Variants in EPHB1 observed in about 807,000 individuals in gnomAD.
EPHB1 encodes ephrin type-B receptor 1.
Under a neutral mutation model 94.4 loss-of-function variants are expected in EPHB1, and 30 were observed. That is an observed-to-expected ratio of 0.32 (90% CI 0.24 to 0.43). The LOEUF is 0.43. Ranked by LOEUF, EPHB1 falls within the 20% of genes least tolerant of loss-of-function variation. The probability of loss-of-function intolerance (pLI) is 1.00; values close to 1 mark genes in which losing one functional copy is unlikely to be tolerated. For missense variants in EPHB1, 1,055 were observed against 1,308.3 expected (o/e 0.81, Z 2.99); for synonymous variants, 522 against 489.1 (o/e 1.07, Z -0.89).
chr3:134,897,873 C>T (rs1168054791), intron 1 of EPHB1, among the ~76,000 whole-genome samples: 1 of 152,142 alleles, frequency 6.6e-6, no homozygotes, highest in Non-Finnish European at 1.5e-5. Context: ...GTCAGTGCTG[C>T]GACAAAGGGT....
At chr3:135,112,110 G>A (rs1264425432) in intron 4 of EPHB1, among the ~76,000 whole-genome samples, 1 of 152,194 alleles carries the variant, frequency 6.6e-6, no homozygotes, top group Non-Finnish European at 1.5e-5. Context: ...TGAGCTCAGC[G>A]GGGGCTGAAG....
intron 5 of EPHB1, among the ~76,000 whole-genome samples, chr3:135,146,074 T>A (rs1404447741): frequency 6.6e-6 from 1 of 152,164 alleles, no homozygotes; most frequent in Non-Finnish European, 1.5e-5. Flanking sequence ...GGAAGGTAGA[T>A]CACAGTGCAC....
intron 3 of EPHB1, among the ~76,000 whole-genome samples, chr3:135,020,211 A>G (rs1029110220): frequency 2.6e-5 from 4 of 152,052 alleles, no homozygotes; most frequent in African/African-American, 9.7e-5. Flanking sequence ...ATGTTACAAT[A>G]TTTCTTCCCG....
chr3:135,064,455 A>G (rs1205103743), intron 3 of EPHB1, among the ~76,000 whole-genome samples: 2 of 151,990 alleles, frequency 1.3e-5, no homozygotes, highest in South Asian at 2.1e-4. Context: ...GAATTTATCC[A>G]TTTCTTCTAG....
At chr3:134,955,818 T>C (rs936536989) in intron 3 of EPHB1, among the ~76,000 whole-genome samples, 1 of 152,232 alleles carries the variant, frequency 6.6e-6, no homozygotes, top group Non-Finnish European at 1.5e-5. Flanking sequence ...TTTGTCTTTA[T>C]AAAATTGTTA....
intron 1 of EPHB1, among the ~76,000 whole-genome samples, chr3:134,824,120 A>G (rs2036430841): frequency 1.4e-5 from 2 of 144,192 alleles, no homozygotes; most frequent in Non-Finnish European, 3.0e-5. Flanking sequence ...AAAAAGGATA[A>G]TGCCCTTTTT....
At chr3:134,897,902 A>G (rs1474757839) in intron 1 of EPHB1, among the ~76,000 whole-genome samples, 1 of 152,154 alleles carries the variant, frequency 6.6e-6, no homozygotes, top group Admixed American at 6.5e-5. Context: ...AAGCCCTTCC[A>G]TGGTAGCTCT....
At chr3:135,052,961 G>GTA (rs1462492515) in intron 3 of EPHB1, among the ~76,000 whole-genome samples, 5 of 109,506 alleles carry the variant, frequency 4.6e-5, no homozygotes, top group Admixed American at 3.2e-4. Flanking sequence ...ATATATGTGT[G>GTA]TATATATATG....
chr3:134,831,391 G>A (rs1024699658), intron 1 of EPHB1, among the ~76,000 whole-genome samples: 14 of 152,322 alleles, frequency 9.2e-5, no homozygotes, highest in Admixed American at 2.0e-4. Context: ...GGAACCAGCA[G>A]ATACTCTCGG....
At chr3:134,900,287 AGTG>A (rs1356515510) in intron 1 of EPHB1, among the ~76,000 whole-genome samples, 1 of 152,164 alleles carries the variant, frequency 6.6e-6, no homozygotes, top group Non-Finnish European at 1.5e-5. Flanking sequence ...TAGGTCTCCT[AGTG>A]GTCCCAGCAA....
intron 1 of EPHB1, among the ~76,000 whole-genome samples, chr3:134,860,517 TA>T (rs1254324291): frequency 1.3e-5 from 2 of 152,086 alleles, no homozygotes; most frequent in Admixed American, 6.6e-5. Flanking sequence ...CTTTACACTT[TA>T]AAAAAAGATT....
chr3:135,016,320 G>A (rs545039679), intron 3 of EPHB1, among the ~76,000 whole-genome samples: 1 of 152,330 alleles, frequency 6.6e-6, no homozygotes, highest in South Asian at 2.1e-4. Context: ...CCTAGGATCT[G>A]TGTCAGTGGG....
chr3:135,039,064 C>A (rs1936742230), intron 3 of EPHB1, among the ~76,000 whole-genome samples: 1 of 152,190 alleles, frequency 6.6e-6, no homozygotes, highest in African/African-American at 2.4e-5. Flanking sequence ...CCCACCAGAG[C>A]AGCTAGATAC....
intron 4 of EPHB1, among the ~76,000 whole-genome samples, chr3:135,114,012 T>C (rs1242860003): frequency 6.6e-6 from 1 of 152,250 alleles, no homozygotes; most frequent in Non-Finnish European, 1.5e-5. Flanking sequence ...TTCACTTTGG[T>C]TGCAGTCACT....
intron 3 of EPHB1, among the ~76,000 whole-genome samples, chr3:135,073,762 T>TC (rs1192388677): frequency 6.6e-6 from 1 of 152,172 alleles, no homozygotes; most frequent in Non-Finnish European, 1.5e-5. Flanking sequence ...TCTATAGTTT[T>TC]CCCCCTTTCT....
At chr3:134,831,777 G>A (rs2036586429) in intron 1 of EPHB1, among the ~76,000 whole-genome samples, 1 of 152,186 alleles carries the variant, frequency 6.6e-6, no homozygotes, top group African/African-American at 2.4e-5. Flanking sequence ...GGTTACAGAA[G>A]CAATACGTGC....
At chr3:134,810,811 A>G (rs1359634817) in intron 1 of EPHB1, among the ~76,000 whole-genome samples, 3 of 152,176 alleles carry the variant, frequency 2.0e-5, no homozygotes, top group African/African-American at 4.8e-5. Context: ...TTGGGTTTCT[A>G]TGTGTCTCTC....
chr3:134,991,503 A>G (rs1249319019), intron 3 of EPHB1, among the ~76,000 whole-genome samples: 1 of 152,182 alleles, frequency 6.6e-6, no homozygotes, highest in African/African-American at 2.4e-5. Context: ...ATCAGCCCTG[A>G]AAAGAAAAAT....
At chr3:135,002,656 G>A (rs1188039032) in intron 3 of EPHB1, among the ~76,000 whole-genome samples, 1 of 152,112 alleles carries the variant, frequency 6.6e-6, no homozygotes, top group Non-Finnish European at 1.5e-5. Flanking sequence ...GGTCTATTCA[G>A]AGATTCAACT....
Sources: allele counts gnomAD v4.1 joint callset (sites outside exome capture counted in the v4.1 genomes callset), GRCh38; gene constraint gnomAD v4.1.1; transcripts MANE v1.5; gene names NCBI Gene and HGNC (gene_info 2026-07-23, HGNC 2026-07-21).